The following RAB20 variants were observed in gnomAD, a reference collection of about 807,000 sequenced individuals.
RAB20 encodes RAB20, member RAS oncogene family.
Under a neutral mutation model 3.7 loss-of-function variants are expected in RAB20, and 2 were observed. That is an observed-to-expected ratio of 0.54 (90% CI 0.22 to 1.69). RAB20 has a LOEUF of 1.69. Among genes scored for constraint, RAB20 ranks in the 40% most tolerant of loss-of-function variants. The pLI is 0.19. For missense variants in RAB20, 276 were observed against 311.9 expected, an observed-to-expected ratio of 0.88 and a Z score of 0.87; for synonymous variants, 126 against 130.8, an observed-to-expected ratio of 0.96 and a Z score of 0.25.
chr13:110,535,292 C>G (rs1884621130), intron 1 of RAB20, among the ~76,000 whole-genome samples: 1 of 152,250 alleles, frequency 6.6e-6, no homozygotes, highest in East Asian at 1.9e-4. Flanking sequence ...TGGCACAGAG[C>G]AGACTCTGCT....
At chr13:110,543,888 G>A (rs1884809020) in intron 1 of RAB20, among the ~76,000 whole-genome samples, 1 of 150,332 alleles carries the variant, frequency 6.7e-6, no homozygotes, top group African/African-American at 2.5e-5. Flanking sequence ...TGATTCTCCT[G>A]CCTTGGCCTC....
chr13:110,552,736 A>AAAT (rs1594138909), intron 1 of RAB20, among the ~76,000 whole-genome samples: 1 of 139,424 alleles, frequency 7.2e-6, no homozygotes, highest in East Asian at 2.1e-4. Flanking sequence ...AATAAATAAA[A>AAAT]ATTTCTATTT....
chr13:110,544,263 T>G (rs1884815714), intron 1 of RAB20, among the ~76,000 whole-genome samples: 1 of 152,220 alleles, frequency 6.6e-6, no homozygotes, highest in South Asian at 2.1e-4. Flanking sequence ...GTGTCTGTTT[T>G]CATGCTGAGG....
intron 1 of RAB20, among the ~76,000 whole-genome samples, chr13:110,538,840 T>A (rs1884703483): frequency 6.6e-6 from 1 of 151,870 alleles, no homozygotes; most frequent in Non-Finnish European, 1.5e-5. Flanking sequence ...AGACCAAGCT[T>A]CCTCCACTGT....
chr13:110,556,758 C>T (rs1433841994), intron 1 of RAB20, among the ~76,000 whole-genome samples: 1 of 152,134 alleles, frequency 6.6e-6, no homozygotes, highest in Non-Finnish European at 1.5e-5. Context: ...TCTTGAACTC[C>T]TAGGTTCAGG....
In RAB20 at chr13:110,545,056, C is replaced by T. The variant is rs145353586; in HGVS notation, c.172+16292G>A. The stretch of plus-strand genomic sequence containing the variant: ...TGTAAGAAGTGCCTTTTGCCTCCCA[C>T]CATGATTCTGAGGTCTCCCCAGCCA... On this transcript the variant is annotated intron_variant, in intron 1 of 1. Coordinates refer to ENST00000267328, the MANE Select transcript of RAB20 (RefSeq NM_017817.3). 7.4e-4 allele frequency among the ~76,000 whole-genome samples: 112 copies of T among 152,274 alleles called. 1 individual carries two copies. The highest frequency in any genetic ancestry group is 2.6e-4 in the Non-Finnish European group (18 of 68,030).
chr13:110,538,614 A>AG (rs1555335720), intron 1 of RAB20, among the ~76,000 whole-genome samples: 4,130 of 133,342 alleles, frequency 0.031, 111 homozygotes, highest in African/African-American at 0.057. Flanking sequence ...AAAAAAAAAA[A>AG]AAAAGAAAGA....
At chr13:110,558,838 C>T (rs1225948010) in intron 1 of RAB20, among the ~76,000 whole-genome samples, 1 of 151,758 alleles carries the variant, frequency 6.6e-6, no homozygotes, top group Non-Finnish European at 1.5e-5. Flanking sequence ...GCTGGGACTA[C>T]AGGTGTGCGC....
intron 1 of RAB20, among the ~76,000 whole-genome samples, chr13:110,526,948 G>C (rs2139573391): frequency 6.6e-6 from 1 of 152,224 alleles, no homozygotes; most frequent in African/African-American, 2.4e-5. Context: ...TCTGAGAAGG[G>C]GTCCTGGGCT....
intron 1 of RAB20, among the ~76,000 whole-genome samples, chr13:110,541,208 C>T (rs865832188): frequency 6.6e-6 from 1 of 152,198 alleles, no homozygotes; most frequent in Non-Finnish European, 1.5e-5. Flanking sequence ...GTCACGGTCA[C>T]GGCGCAGCAA....
At chr13:110,533,371 A>G (rs1566584959) in intron 1 of RAB20, among the ~76,000 whole-genome samples, 1 of 152,188 alleles carries the variant, frequency 6.6e-6, no homozygotes. Context: ...TAAAACCGAT[A>G]GTGAACTTGG....
intron 1 of RAB20, among the ~76,000 whole-genome samples, chr13:110,556,604 G>A (rs1316265853): frequency 6.6e-6 from 1 of 152,128 alleles, no homozygotes; most frequent in Non-Finnish European, 1.5e-5. Flanking sequence ...TATGATCATG[G>A]CTCACTGCAG....
At chr13:110,535,112 G>A (rs1884618311) in intron 1 of RAB20, among the ~76,000 whole-genome samples, 1 of 152,218 alleles carries the variant, frequency 6.6e-6, no homozygotes, top group Non-Finnish European at 1.5e-5. Context: ...GGGATTACAG[G>A]CCTGAGCCAC....
intron 1 of RAB20, among the ~76,000 whole-genome samples, chr13:110,542,897 G>A (rs771838614): frequency 9.2e-5 from 14 of 152,210 alleles, no homozygotes; most frequent in Middle Eastern, 3.4e-3. Context: ...GGCCATACCC[G>A]TTCACATTCC....
intron 1 of RAB20, among the ~76,000 whole-genome samples, chr13:110,552,073 T>C (rs1041220951): frequency 6.6e-6 from 1 of 151,846 alleles, no homozygotes; most frequent in Non-Finnish European, 1.5e-5. Flanking sequence ...GACGACCCTG[T>C]CTCAAAAAAT....
intron 1 of RAB20, among the ~76,000 whole-genome samples, chr13:110,549,265 G>T (rs950157286): frequency 6.6e-6 from 1 of 152,254 alleles, no homozygotes; most frequent in Non-Finnish European, 1.5e-5. Context: ...AAAGTTAAGT[G>T]TGTTGATTTG....
intron 1 of RAB20, among the ~76,000 whole-genome samples, chr13:110,532,067 A>T: frequency 6.6e-6 from 1 of 152,182 alleles, no homozygotes; most frequent in Non-Finnish European, 1.5e-5. Flanking sequence ...TGAGATAGCC[A>T]TCAGAAGCCA....
chr13:110,536,924 CCCCCCT>C, intron 1 of RAB20, among the ~76,000 whole-genome samples: 1 of 44,046 alleles, frequency 2.3e-5, no homozygotes, highest in South Asian at 1.0e-3. Context: ...TGCTTTCCCT[CCCCCCT>C]CCCCCCACCC....
At chr13:110,548,196 T>C (rs2139586592) in intron 1 of RAB20, among the ~76,000 whole-genome samples, 1 of 148,024 alleles carries the variant, frequency 6.8e-6, no homozygotes, top group East Asian at 1.9e-4. Flanking sequence ...GAAAACACCA[T>C]AATTCGGCCG....
Sources: allele counts gnomAD v4.1 joint callset (sites outside exome capture counted in the v4.1 genomes callset), GRCh38; gene constraint gnomAD v4.1.1; transcripts MANE v1.5; gene names NCBI Gene and HGNC (gene_info 2026-07-23, HGNC 2026-07-21).